The following DACH1 variants were observed in gnomAD, a reference collection of about 807,000 sequenced individuals.
DACH1 encodes dachshund family transcription factor 1, also known as dachshund homolog 1.
DACH1 carries 12 observed loss-of-function variants against 54.2 expected under a neutral mutation model. That is an observed-to-expected ratio of 0.22 (90% confidence interval 0.14 to 0.36). The LOEUF is 0.36. DACH1 is among the 10% of genes least tolerant of loss of function. The pLI is 1.00. For missense variants in DACH1, 805 were observed against 929.8 expected (o/e 0.87, Z 1.75); for synonymous variants, 386 against 366.2 (o/e 1.05, Z -0.62).
At chr13:71,790,649 C>A (rs1333992692) in intron 1 of DACH1, among the ~76,000 whole-genome samples, 1 of 152,120 alleles carries the variant, frequency 6.6e-6, no homozygotes, top group Non-Finnish European at 1.5e-5. Flanking sequence ...TTGAAAAATG[C>A]ATTTCATTTA....
chr13:71,495,311 T>C (rs1364409598), intron 6 of DACH1, among the ~76,000 whole-genome samples: 1 of 152,034 alleles, frequency 6.6e-6, no homozygotes, highest in East Asian at 1.9e-4. Flanking sequence ...AAGAAGATTT[T>C]AGCAAAATAC....
At chr13:71,645,199 A>C (rs1248094352) in intron 2 of DACH1, among the ~76,000 whole-genome samples, 1 of 152,174 alleles carries the variant, frequency 6.6e-6, no homozygotes, top group Non-Finnish European at 1.5e-5. Context: ...CGGAAGAGCA[A>C]TTGATAAACA....
Position 71,576,259 on chromosome 13 carries a change from A to G in DACH1, c.1127-3247T>C, listed in dbSNP as rs1269715067. Among the ~76,000 whole-genome samples the G allele has an allele frequency of 2.6e-5, 4 of 152,164 alleles. No individual in the cohort carries two copies. The East Asian group carries it at 7.7e-4, about 29-fold the overall frequency. Reference sequence around the variant, plus strand: ...AATAACTACATATTTAAATATATGGAATTTATATATAAAGAGTGACTGTGT... The same window carrying G: ...AATAACTACATATTTAAATATATGGGATTTATATATAAAGAGTGACTGTGT... On this transcript the variant is annotated intron_variant, in intron 3 of 10. Coordinates refer to ENST00000613252, the MANE Select transcript of DACH1 (RefSeq NM_080759.6).
chr13:71,530,121 A>C (rs569263876), intron 6 of DACH1, among the ~76,000 whole-genome samples: 1 of 152,332 alleles, frequency 6.6e-6, no homozygotes, highest in South Asian at 2.1e-4. Flanking sequence ...TACTAAAAGT[A>C]TGAATGAGTA....
chr13:71,611,144 T>C (rs1875300106), intron 3 of DACH1, among the ~76,000 whole-genome samples: 4 of 152,194 alleles, frequency 2.6e-5, no homozygotes, highest in African/African-American at 9.6e-5. Context: ...GTATGATTTA[T>C]GGCATAATTC....
In DACH1 at chr13:71,824,791, G is replaced by A. The variant is rs191342634; in HGVS notation, c.848+41131C>T. 1.2e-3 allele frequency among the ~76,000 whole-genome samples: 180 copies of A among 152,060 alleles called. 2 individuals carry two copies. The highest frequency in any genetic ancestry group is 2.1e-3 in the Non-Finnish European group (144 of 67,896). ...GAGGAATTTGTCCTAAAATATTTCT[G>A]TTTTTTCCTCTCATAAAGTCAATAA... On this transcript the variant is annotated intron_variant, in intron 1 of 10. Coordinates refer to ENST00000613252, the MANE Select transcript of DACH1 (RefSeq NM_080759.6).
chr13:71,855,145 G>T (rs1184034124), intron 1 of DACH1, among the ~76,000 whole-genome samples: 1 of 151,882 alleles, frequency 6.6e-6, no homozygotes, highest in Non-Finnish European at 1.5e-5. Context: ...TTTTATGTTT[G>T]GTTCTTATTG....
At chr13:71,641,987 A>T (rs1052811963) in intron 2 of DACH1, among the ~76,000 whole-genome samples, 3 of 152,196 alleles carry the variant, frequency 2.0e-5, no homozygotes, top group African/African-American at 7.2e-5. Flanking sequence ...GCTGCAAAAA[A>T]ATTATTCCAA....
intron 3 of DACH1, among the ~76,000 whole-genome samples, chr13:71,605,597 AT>A (rs769940586): frequency 2.0e-5 from 3 of 151,982 alleles, no homozygotes; most frequent in Non-Finnish European, 2.9e-5. Flanking sequence ...TGCTTATATC[AT>A]TTTTAAGCTT....
intron 1 of DACH1, among the ~76,000 whole-genome samples, chr13:71,733,449 C>T (rs74923539): frequency 0.017 from 2,563 of 152,116 alleles, 45 homozygotes; most frequent in African/African-American, 0.045. Flanking sequence ...CCCAAACTGC[C>T]GGGATTACAG....
intron 3 of DACH1, among the ~76,000 whole-genome samples, chr13:71,579,774 T>A (rs1885748610): frequency 2.0e-5 from 3 of 152,094 alleles, no homozygotes; most frequent in East Asian, 1.9e-4. Context: ...AGATAAAAGG[T>A]AAAATACTAT....
chr13:71,786,006 T>C (rs1886577436), intron 1 of DACH1, among the ~76,000 whole-genome samples: 1 of 152,072 alleles, frequency 6.6e-6, no homozygotes, highest in African/African-American at 2.4e-5. Context: ...GACAACAGCT[T>C]GGAACAAGGC....
intron 8 of DACH1, 38 bp downstream of exon 8, chr13:71,479,131 T>C: frequency 6.5e-7 from 1 of 1,541,162 alleles, no homozygotes; most frequent in Non-Finnish European, 8.8e-7. Flanking sequence ...TTTAATATTT[T>C]CTGTAAATAT....
At chr13:71,518,132 C>T (rs1429464720) in intron 6 of DACH1, among the ~76,000 whole-genome samples, 1 of 151,784 alleles carries the variant, frequency 6.6e-6, no homozygotes, top group East Asian at 1.9e-4. Flanking sequence ...TGTGTTGAAG[C>T]TATAATGCCC....
chr13:71,500,699 C>T (rs971266784), intron 6 of DACH1, among the ~76,000 whole-genome samples: 6 of 151,966 alleles, frequency 3.9e-5, no homozygotes, highest in Non-Finnish European at 7.4e-5. Flanking sequence ...TCAATTTAGA[C>T]GAAATACATG....
At chr13:71,845,435 A>T (rs1267049846) in intron 1 of DACH1, among the ~76,000 whole-genome samples, 1 of 152,176 alleles carries the variant, frequency 6.6e-6, no homozygotes, top group Non-Finnish European at 1.5e-5. Context: ...ATCTAAAGAC[A>T]TCAAAAAATG....
chr13:71,585,655 G>C (rs1188454933), intron 3 of DACH1, among the ~76,000 whole-genome samples: 1 of 152,148 alleles, frequency 6.6e-6, no homozygotes, highest in Admixed American at 6.5e-5. Flanking sequence ...AGTCTGAGAA[G>C]TCAGAAGGAA....
intron 6 of DACH1, among the ~76,000 whole-genome samples, chr13:71,542,427 G>A (rs1031349004): frequency 6.6e-6 from 1 of 151,864 alleles, no homozygotes; most frequent in Non-Finnish European, 1.5e-5. Context: ...TATCATACAG[G>A]CTGTTTCTTC....
intron 1 of DACH1, among the ~76,000 whole-genome samples, chr13:71,737,201 C>A (rs746056978): frequency 9.9e-5 from 15 of 151,270 alleles, no homozygotes; most frequent in Non-Finnish European, 1.8e-4. Flanking sequence ...CCAACCTGGG[C>A]GACAGAACAA....
Sources: allele counts gnomAD v4.1 joint callset (sites outside exome capture counted in the v4.1 genomes callset), GRCh38; gene constraint gnomAD v4.1.1; transcripts MANE v1.5; gene names NCBI Gene and HGNC (gene_info 2026-07-23, HGNC 2026-07-21).